SIK2: variants seen among roughly 807,000 people sequenced by gnomAD.
SIK2 encodes serine/threonine-protein kinase SIK2.
A neutral mutation model predicts 103.2 loss-of-function variants in SIK2; 29 were observed. That is an observed-to-expected ratio of 0.28 (90% CI 0.21 to 0.38). The LOEUF (loss-of-function observed/expected upper bound fraction) is 0.38, where lower values mean the gene tolerates loss of function less well. SIK2 is among the 10% of genes least tolerant of loss of function. SIK2 has a pLI of 1.00. For synonymous variants in SIK2, 412 were observed against 446.1 expected (o/e 0.92, Z 0.96); for missense variants, 879 against 1,171.0 (o/e 0.75, Z 3.64).
intron 9 of SIK2, among the ~76,000 whole-genome samples, chr11:111,718,168 T>C: frequency 6.6e-6 from 1 of 152,236 alleles, no homozygotes; most frequent in East Asian, 1.9e-4. Context: ...GGATGCTCAA[T>C]AGATAATTAA....
At chr11:111,614,085 A>ATTTT (rs5794759) in intron 1 of SIK2, among the ~76,000 whole-genome samples, 2 of 137,642 alleles carry the variant, frequency 1.5e-5, no homozygotes, top group Admixed American at 7.3e-5. Flanking sequence ...CTCTCCCCCC[A>ATTTT]TTTTTTTTTT....
Position 111,701,508 on chromosome 11 carries a change from G to A in SIK2, c.660G>A (p.Pro220=), listed in dbSNP as rs907576423. 21 of 1,613,804 alleles carry A rather than the reference G, an allele frequency of 1.3e-5. No individual in the cohort carries two copies. Among genetic ancestry groups the A allele is most frequent in the South Asian group, 5.5e-5 (5 of 91,058 alleles). ...LVCGALPFDG[P]TLPILRQRVL... ...GTGGAGCTCTGCCCTTTGATGGACC[G>A]ACTCTTCCAATTTTGAGGCAGAGGG... The change falls in exon 6 of 15, where the codon CCG becomes CCA. Residue 220 remains proline (P), a synonymous_variant. Transcript: ENST00000304987. The surrounding 1 kb of genome is among the most constrained non-coding windows in gnomAD (Gnocchi z 4.2).
chr11:111,642,393 G>A (rs929736704), intron 3 of SIK2, among the ~76,000 whole-genome samples: 3 of 152,110 alleles, frequency 2.0e-5, no homozygotes, highest in African/African-American at 7.2e-5. Context: ...TAATTTGCTA[G>A]CACGTCTCAC....
At chr11:111,719,454 T>C (rs1266192482) in intron 9 of SIK2, among the ~76,000 whole-genome samples, 1 of 140,804 alleles carries the variant, frequency 7.1e-6, no homozygotes, top group Non-Finnish European at 1.5e-5. Flanking sequence ...AAAAAAATAA[T>C]AACTGGTAGT....
chr11:111,656,205 G>C (rs1264818356), intron 3 of SIK2, among the ~76,000 whole-genome samples: 1 of 151,890 alleles, frequency 6.6e-6, no homozygotes, highest in African/African-American at 2.4e-5. Context: ...AAGAGAGAGA[G>C]ATTGAGAGAA....
At chr11:111,608,562 T>C (rs577043036) in intron 1 of SIK2, among the ~76,000 whole-genome samples, 9 of 152,388 alleles carry the variant, frequency 5.9e-5, no homozygotes, top group African/African-American at 2.2e-4. Context: ...ATTGATGTCA[T>C]GTATGCATAT....
chr11:111,608,380 G>A (rs1941675963), intron 1 of SIK2, among the ~76,000 whole-genome samples: 1 of 152,092 alleles, frequency 6.6e-6, no homozygotes, highest in Admixed American at 6.5e-5. Flanking sequence ...GTATTGATAT[G>A]GTTTCCCCCA....
intron 3 of SIK2, among the ~76,000 whole-genome samples, chr11:111,627,858 A>T (rs1327217830): frequency 6.6e-6 from 1 of 152,180 alleles, no homozygotes; most frequent in Non-Finnish European, 1.5e-5. Flanking sequence ...ATGACTTGAA[A>T]TTAAATCCTT....
chr11:111,682,572 A>T (rs1022942265), intron 3 of SIK2, among the ~76,000 whole-genome samples: 2 of 152,236 alleles, frequency 1.3e-5, no homozygotes, highest in Non-Finnish European at 2.9e-5. Context: ...AGATACATAG[A>T]AAAGTATTTA....
rs1806610800 is a variant in SIK2, at chr11:111,688,630, G to A, written c.478+468G>A. Among the ~76,000 whole-genome samples, 1 of 152,186 alleles carries A rather than the reference G, an allele frequency of 6.6e-6. No homozygotes were observed. The highest frequency in any genetic ancestry group is 6.5e-5 in the Admixed American group (1 of 15,284). On this transcript the variant is annotated intron_variant, in intron 4 of 14. Transcript: ENST00000304987. The surrounding 1 kb of genome is among the most constrained non-coding windows in gnomAD (Gnocchi z 4.2). Reference sequence around the variant, plus strand: ...CACCTTTCCTTGATCTGATACGATAGGGTTTTGATTTATAACATGAAAATT... The same window carrying A: ...CACCTTTCCTTGATCTGATACGATAAGGTTTTGATTTATAACATGAAAATT...
At chr11:111,689,857 T>C (rs1217472327) in intron 4 of SIK2, among the ~76,000 whole-genome samples, 1 of 152,202 alleles carries the variant, frequency 6.6e-6, no homozygotes, top group Non-Finnish European at 1.5e-5. Flanking sequence ...ATATTACATA[T>C]GTTACAGGAT....
chr11:111,691,474 T>C (rs1467161048), intron 4 of SIK2, among the ~76,000 whole-genome samples: 1 of 152,126 alleles, frequency 6.6e-6, no homozygotes, highest in Non-Finnish European at 1.5e-5. Context: ...ACACAGATAA[T>C]AAGTAGCAGA....
Position 111,723,424 on chromosome 11 carries a change from T to C in SIK2, c.2148-72T>C, listed in dbSNP as rs1049054474. On this transcript the variant is annotated intron_variant, in intron 14 of 14. Transcript: ENST00000304987. ...GTAGAAGACTGAAGCTAGTGACTGG[T>C]ATTGCATTTACATTAAAATTGCCAT... The C allele has an allele frequency of 9.6e-6, 14 of 1,453,544 alleles. No individual in the cohort carries two copies. In the African/African-American group the frequency reaches 1.8e-4, roughly 19 times the overall value. The allele number at this position is 1,453,544 out of a possible 1,614,324, so 90.0% of individuals were successfully genotyped here.
At chr11:111,665,404 C>T (rs1181360847) in intron 3 of SIK2, among the ~76,000 whole-genome samples, 2 of 151,760 alleles carry the variant, frequency 1.3e-5, no homozygotes, top group Non-Finnish European at 1.5e-5. Flanking sequence ...GTAGAGACAG[C>T]GAAACCCTGT....
intron 4 of SIK2, among the ~76,000 whole-genome samples, chr11:111,689,026 T>A (rs1942888167): frequency 6.6e-6 from 1 of 152,190 alleles, no homozygotes; most frequent in Admixed American, 6.5e-5. Context: ...GAAGGAATTA[T>A]TTGAACTTAG....
At chr11:111,656,280 G>A (rs918789616) in intron 3 of SIK2, among the ~76,000 whole-genome samples, 7 of 152,098 alleles carry the variant, frequency 4.6e-5, no homozygotes, top group African/African-American at 1.7e-4. Context: ...GATAGAGTTG[G>A]CCAAGAACAT....
At chr11:111,719,062 G>A (rs1209782705) in intron 9 of SIK2, among the ~76,000 whole-genome samples, 1 of 152,224 alleles carries the variant, frequency 6.6e-6, no homozygotes, top group Non-Finnish European at 1.5e-5. Flanking sequence ...GTTGCTGGAG[G>A]AGACAAAATT....
At chr11:111,718,738 T>C (rs1943715887) in intron 9 of SIK2, 1 of 152,194 alleles carries the variant, frequency 6.6e-6, no homozygotes, top group Non-Finnish European at 1.5e-5. Context: ...AAGGAAACAG[T>C]AGCTCTACCC....
intron 1 of SIK2, among the ~76,000 whole-genome samples, chr11:111,611,481 T>C (rs1012926043): frequency 1.3e-5 from 2 of 152,208 alleles, no homozygotes; most frequent in African/African-American, 4.8e-5. Context: ...TTTTAATCTT[T>C]ATAAATATAA....
Sources: gnomAD v4.1 joint callset for allele counts (sites outside exome capture counted in the v4.1 genomes callset) on GRCh38, gnomAD v4.1.1 for gene constraint, Gnocchi (gnomAD v3.1) non-coding constraint, MANE v1.5 for transcripts, NCBI Gene and HGNC (gene_info 2026-07-23, HGNC 2026-07-21) for gene names.